UBASH3B: variants seen among roughly 807,000 people sequenced by gnomAD.
UBASH3B encodes the protein ubiquitin-associated and SH3 domain-containing protein B.
In UBASH3B, 37 loss-of-function variants were observed where a neutral mutation model predicts 83.4. The observed-to-expected ratio is 0.44, with a 90% CI of 0.34 to 0.58. UBASH3B has a LOEUF of 0.58. UBASH3B is among the 20% of genes least tolerant of loss of function. The probability of loss-of-function intolerance (pLI) is 0.01; values close to 1 mark genes in which losing one functional copy is unlikely to be tolerated. For synonymous variants in UBASH3B, 304 were observed against 318.3 expected (o/e 0.96, Z 0.48); for missense variants, 657 against 827.2 (o/e 0.79, Z 2.52).
At chr11:122,796,301 G>A in intron 8 of UBASH3B, 25 bp downstream of exon 8, 1 of 1,612,866 alleles carries the variant, frequency 6.2e-7, no homozygotes, top group South Asian at 1.1e-5. Flanking sequence ...GGCCTGCTCA[G>A]CACTGCCATA....
chr11:122,665,706 A>G (rs1429713207), intron 1 of UBASH3B, among the ~76,000 whole-genome samples: 1 of 152,232 alleles, frequency 6.6e-6, no homozygotes, highest in Non-Finnish European at 1.5e-5. Flanking sequence ...ATATGAGGCA[A>G]TTACAGTGGT....
chr11:122,789,576 C>T (rs1310536109), intron 6 of UBASH3B, among the ~76,000 whole-genome samples: 1 of 152,112 alleles, frequency 6.6e-6, no homozygotes, highest in Non-Finnish European at 1.5e-5. Context: ...CTCTTCTGGC[C>T]GAAGAGTGGC....
intron 2 of UBASH3B, 37 bp downstream of exon 2, chr11:122,776,309 T>A (rs369473107): frequency 3.8e-6 from 6 of 1,576,150 alleles, no homozygotes; most frequent in Non-Finnish European, 5.2e-6. Flanking sequence ...AAATAGCATA[T>A]AATTAACTCA....
intron 1 of UBASH3B, among the ~76,000 whole-genome samples, chr11:122,667,520 G>T (rs1863535901): frequency 6.6e-6 from 1 of 152,182 alleles, no homozygotes; most frequent in Non-Finnish European, 1.5e-5. Context: ...TTATGATAAA[G>T]CGTGGTAAAT....
At chr11:122,760,054 C>A (rs1861345273) in intron 1 of UBASH3B, among the ~76,000 whole-genome samples, 1 of 152,186 alleles carries the variant, frequency 6.6e-6, no homozygotes, top group African/African-American at 2.4e-5. Context: ...TTAACATCTT[C>A]AGGAAGTTCA....
intron 1 of UBASH3B, among the ~76,000 whole-genome samples, chr11:122,740,597 T>A (rs1234165534): frequency 6.6e-6 from 1 of 152,134 alleles, no homozygotes; most frequent in East Asian, 1.9e-4. Flanking sequence ...CTTAGAGAGG[T>A]TGGATAACTT....
Position 122,806,543 on chromosome 11 carries a change from C to T in UBASH3B, c.1702+27C>T, listed in dbSNP as rs1051538349. The T allele has an allele frequency of 1.9e-6, 3 of 1,582,342 alleles. No homozygotes were observed. Among genetic ancestry groups the T allele is most frequent in the Non-Finnish European group, 2.6e-6 (3 of 1,168,934 alleles). ...TAAGTGGTATTATTCTGAACTCCAT[C>T]TGTACATACGTGATTATTTCTCTAT... On this transcript the variant is annotated intron_variant, in intron 12 of 13. Transcript: ENST00000284273. The surrounding 1 kb of genome is among the most constrained non-coding windows in gnomAD (Gnocchi z 4.0).
intron 1 of UBASH3B, among the ~76,000 whole-genome samples, chr11:122,690,186 A>ATATATATATCCAAT (rs1555135477): frequency 4.1e-3 from 108 of 26,420 alleles, no homozygotes; most frequent in African/African-American, 0.013. Flanking sequence ...ATATATATAT[A>ATATATATATCCAAT]TATATATATA....
intron 1 of UBASH3B, among the ~76,000 whole-genome samples, chr11:122,770,128 C>A (rs1417392508): frequency 6.6e-6 from 1 of 152,194 alleles, no homozygotes; most frequent in East Asian, 1.9e-4. Flanking sequence ...CACAGAGAAC[C>A]AATGCATGGA....
At chr11:122,765,221 C>T (rs975531677) in intron 1 of UBASH3B, among the ~76,000 whole-genome samples, 9 of 152,178 alleles carry the variant, frequency 5.9e-5, no homozygotes, top group Non-Finnish European at 7.3e-5. Flanking sequence ...GGCCCTAAGA[C>T]AGAGAGGCAG....
At chr11:122,703,905 T>C (rs767625170) in intron 1 of UBASH3B, among the ~76,000 whole-genome samples, 1 of 152,198 alleles carries the variant, frequency 6.6e-6, no homozygotes, top group Non-Finnish European at 1.5e-5. Flanking sequence ...ATTCTTCAAA[T>C]GTGACCTGCA....
intron 1 of UBASH3B, among the ~76,000 whole-genome samples, chr11:122,700,584 C>T (rs1213879795): frequency 2.0e-5 from 3 of 150,790 alleles, no homozygotes; most frequent in African/African-American, 4.9e-5. Flanking sequence ...GCAACCTCCA[C>T]CTCCCGGGTT....
At chr11:122,782,924 C>T (rs989410223) in intron 4 of UBASH3B, 129 bp from the exon 5 acceptor site, 21 of 1,123,138 alleles carry the variant, frequency 1.9e-5, no homozygotes, top group Middle Eastern at 4.1e-4. Context: ...AGGAGAGAAA[C>T]GTCTTTTGTC....
intron 1 of UBASH3B, among the ~76,000 whole-genome samples, chr11:122,694,009 C>T (rs1863929367): frequency 6.6e-6 from 1 of 152,148 alleles, no homozygotes; most frequent in South Asian, 2.1e-4. Context: ...CGATGGAGGC[C>T]CAGTCATAAG....
At chr11:122,789,029 C>T in intron 5 of UBASH3B, 71 bp from the exon 6 acceptor site, 16 of 1,385,722 alleles carry the variant, frequency 1.2e-5, no homozygotes, top group Non-Finnish European at 1.6e-5. Context: ...GCAGAACATA[C>T]AGTCCTGCCC....
chr11:122,805,610 G>A (rs986812807), intron 11 of UBASH3B, among the ~76,000 whole-genome samples: 6 of 152,092 alleles, frequency 3.9e-5, no homozygotes, highest in Non-Finnish European at 7.4e-5. Context: ...TAAACCATCA[G>A]ATCTTGTGAG....
intron 1 of UBASH3B, among the ~76,000 whole-genome samples, chr11:122,765,572 G>T (rs1860522170): frequency 6.6e-6 from 1 of 152,182 alleles, no homozygotes; most frequent in Non-Finnish European, 1.5e-5. Context: ...TAGAAGAGGA[G>T]TGGCAACTTT....
intron 1 of UBASH3B, among the ~76,000 whole-genome samples, chr11:122,677,294 A>G (rs1183953540): frequency 6.6e-6 from 1 of 152,184 alleles, no homozygotes; most frequent in Non-Finnish European, 1.5e-5. Context: ...TATCTGAGGG[A>G]GGTCCTGGAA....
intron 1 of UBASH3B, among the ~76,000 whole-genome samples, chr11:122,742,258 A>G (rs1861037958): frequency 6.6e-6 from 1 of 152,228 alleles, no homozygotes; most frequent in African/African-American, 2.4e-5. Context: ...AGATTTGGAC[A>G]GTATTGCAGA....
Sources: allele counts gnomAD v4.1 joint callset (sites outside exome capture counted in the v4.1 genomes callset), GRCh38; gene constraint gnomAD v4.1.1; non-coding constraint Gnocchi (gnomAD v3.1); transcripts MANE v1.5; gene names NCBI Gene and HGNC (gene_info 2026-07-23, HGNC 2026-07-21).